Variants in ADGRF1 observed in about 807,000 individuals in gnomAD.
The protein encoded by ADGRF1 is G protein-coupled receptor 110.
Under a neutral mutation model 87.2 loss-of-function variants are expected in ADGRF1, and 85 were observed. The observed-to-expected ratio is 0.97, with a 90% CI of 0.82 to 1.17. The LOEUF is 1.17. Ranked by LOEUF, ADGRF1 falls within the 50% of genes most tolerant of loss-of-function variation. The pLI is 0.00. For missense variants in ADGRF1, 1,169 were observed against 1,077.2 expected (o/e 1.09, Z -1.19); for synonymous variants, 430 against 408.8 (o/e 1.05, Z -0.63).
intron 7 of ADGRF1, chr6:47,020,008 G>A (rs1779995395): frequency 1.3e-5 from 13 of 989,288 alleles, no homozygotes; most frequent in Non-Finnish European, 1.6e-5. Context: ...TCCGAATTAT[G>A]AGGCATCATA....
At chr6:47,003,091 C>T (rs2113874354) in intron 13 of ADGRF1, among the ~76,000 whole-genome samples, 1 of 148,848 alleles carries the variant, frequency 6.7e-6, no homozygotes, top group South Asian at 2.2e-4. Context: ...TGAATGGATC[C>T]CCCCTCTCAG....
Position 47,014,840 on chromosome 6 carries a change from C to G in ADGRF1, c.768G>C (p.Gln256His). Residue 256 changes from glutamine (Q) to histidine (H), a missense_variant, in exon 9 of 15, where the codon CAG (glutamine) becomes CAC (histidine). Coordinates refer to ENST00000371253, the MANE Select transcript of ADGRF1 (RefSeq NM_153840.4). ...DGSFRVFGKA[Q>H]CNDIVFGFGS... The stretch of plus-strand genomic sequence containing the variant: ...CAAATCCAAAGACAATGTCATTACA[C>G]TGGGCTGGAAACAAAAGAAAACAAC... 6.2e-7 allele frequency: 1 copy of G among 1,602,654 alleles called. No homozygotes were observed. Among genetic ancestry groups the G allele is most frequent in the East Asian group, 2.2e-5 (1 of 44,540 alleles).
chr6:47,000,686 C>T (rs1040697521), intron 14 of ADGRF1, among the ~76,000 whole-genome samples: 6 of 152,254 alleles, frequency 3.9e-5, no homozygotes, highest in Admixed American at 6.5e-5. Flanking sequence ...GCAATAACAA[C>T]AGAACCCAAG....
intron 7 of ADGRF1, chr6:47,020,515 A>G: frequency 6.6e-7 from 1 of 1,518,538 alleles, no homozygotes; most frequent in Non-Finnish European, 8.8e-7. Context: ...AAAAAAAAAA[A>G]AATTTAAGGT....
At chr6:47,035,668 G>A (rs1438103628) in intron 1 of ADGRF1, among the ~76,000 whole-genome samples, 1 of 152,156 alleles carries the variant, frequency 6.6e-6, no homozygotes, top group African/African-American at 2.4e-5. Flanking sequence ...CTTAGATCAT[G>A]AGCCGGTTAG....
chr6:47,039,704 G>A (rs1365238537), intron 1 of ADGRF1, among the ~76,000 whole-genome samples: 2 of 152,228 alleles, frequency 1.3e-5, no homozygotes, highest in African/African-American at 4.8e-5. Flanking sequence ...GCTCACGCCT[G>A]TAATCCCAGC....
rs776293427 is a variant in ADGRF1 at position 47,028,980 on chromosome 6, A to G, written c.69+13T>C. On this transcript the variant is annotated intron_variant, in intron 2 of 14. Coordinates refer to ENST00000371253, the MANE Select transcript of ADGRF1 (RefSeq NM_153840.4). ...TTAGTTGAGAAGAGATATGAGACAT[A>G]GCACCAACTCACCCCCAGGAAGCCA... The G allele has an allele frequency of 3.2e-5, 52 of 1,609,740 alleles. No homozygotes were observed. The South Asian group carries it at 4.9e-4, about 15-fold the overall frequency.
chr6:47,008,672 T>C lies in ADGRF1; in HGVS notation c.2490+273A>G, dbSNP rs185057648. Among the ~76,000 whole-genome samples the C allele has an allele frequency of 3.9e-3, 592 of 152,362 alleles. 5 individuals carry two copies. The highest frequency in any genetic ancestry group is 0.013 in the African/African-American group (549 of 41,590). On this transcript the variant is annotated intron_variant, in intron 11 of 14. Transcript: ENST00000371253. ...GAGTTCTGCCTAAGAGAAAGAGAAC[T>C]GAGTCAGCAGCAAGCGAGATTATTT...
Position 47,001,531 on chromosome 6 carries a change from A to G in ADGRF1, c.2629T>C (p.Ser877Pro), listed in dbSNP as rs1165229343. 1 of 1,613,868 alleles carries G rather than the reference A, an allele frequency of 6.2e-7. No individual in the cohort carries two copies. The highest frequency in any genetic ancestry group is 1.1e-5 in the South Asian group (1 of 91,062). ...TTTTGCAGTGGGTTGAAAGGCTTTG[A>G]GAATTTGGGTTTGGCAGATAAATCT... ...SSDLSAKPKF[S>P]KPFNPLQNKG... The change falls in exon 14 of 15, where the codon TCA (serine) becomes CCA (proline). Residue 877 changes from serine to proline, a missense_variant. By Grantham distance (74) the Ser-to-Pro change is moderately conservative (BLOSUM62 -1). Coordinates refer to ENST00000371253, the MANE Select transcript of ADGRF1 (RefSeq NM_153840.4).
At chr6:47,033,432 A>C (rs1232728238) in intron 1 of ADGRF1, among the ~76,000 whole-genome samples, 3 of 152,220 alleles carry the variant, frequency 2.0e-5, no homozygotes, top group Non-Finnish European at 4.4e-5. Flanking sequence ...GCTTAGTTGA[A>C]ACTGCTCACA....
intron 2 of ADGRF1, among the ~76,000 whole-genome samples, chr6:47,028,047 G>T (rs1315147142): frequency 2.0e-5 from 3 of 152,176 alleles, no homozygotes; most frequent in Non-Finnish European, 1.5e-5. Flanking sequence ...GGGGAGGCAG[G>T]TTGTGCAGAC....
chr6:47,001,707 G>A, intron 13 of ADGRF1, 140 bp from the exon 14 acceptor site: 1 of 642,836 alleles, frequency 1.6e-6, no homozygotes, highest in Non-Finnish European at 2.6e-6. Context: ...AATTTAGAAT[G>A]GTTACTTTCT....
chr6:47,011,188 A>G (rs1013348398), intron 10 of ADGRF1, among the ~76,000 whole-genome samples: 2 of 152,192 alleles, frequency 1.3e-5, no homozygotes, highest in African/African-American at 4.8e-5. Flanking sequence ...GGTCTCTTGT[A>G]AACAACATGT....
At chr6:47,019,336 G>A in intron 7 of ADGRF1, 3 of 984,516 alleles carry the variant, frequency 3.0e-6, no homozygotes, top group African/African-American at 1.7e-5. Flanking sequence ...ATTCATGTAT[G>A]ACTTAAAGGA....
chr6:47,038,927 G>A (rs1275522742), intron 1 of ADGRF1, among the ~76,000 whole-genome samples: 1 of 152,158 alleles, frequency 6.6e-6, no homozygotes, highest in Non-Finnish European at 1.5e-5. Flanking sequence ...GTAGAGTCGG[G>A]CTGCATGCAG....
rs1237607494 is a variant in ADGRF1 at position 46,998,702 on chromosome 6, C to A, written c.*1520G>T. On this transcript the variant is annotated 3_prime_UTR_variant, in exon 15 of 15. Coordinates refer to ENST00000371253, the MANE Select transcript of ADGRF1 (RefSeq NM_153840.4). ...AATTTGAGGTCAAGGAGCAGACATT[C>A]CTCCTTCTCTCACTTTTGTGGGTAG... is the stretch of plus-strand genomic sequence containing the variant. The A allele has an allele frequency of 6.6e-6, 1 of 152,240 alleles. No individual in the cohort carries two copies. The highest frequency in any genetic ancestry group is 2.4e-5 in the African/African-American group (1 of 41,464). 9.4% of individuals were successfully genotyped at this position (152,240 alleles called of 1,614,324 possible).
intron 7 of ADGRF1, chr6:47,020,229 C>T (rs1366723440): frequency 2.4e-6 from 3 of 1,268,138 alleles, no homozygotes; most frequent in Admixed American, 3.8e-5. Flanking sequence ...TGTGGTGGCT[C>T]ATGCCTGTAA....
chr6:47,034,243 C>T (rs1016430436), intron 1 of ADGRF1, among the ~76,000 whole-genome samples: 26 of 152,168 alleles, frequency 1.7e-4, no homozygotes, highest in African/African-American at 5.3e-4. Flanking sequence ...GCCCATTCCC[C>T]ACATTCTATT....
rs142444447 is a variant in ADGRF1 at position 47,009,302 on chromosome 6, G to A, written c.2133C>T (p.Leu711=). Residue 711 remains leucine, a synonymous_variant, in exon 11 of 15, where the codon CTC becomes CTT. Coordinates refer to ENST00000371253, the MANE Select transcript of ADGRF1 (RefSeq NM_153840.4). The part of the protein sequence containing the change: ...VGFCLGYGCP[L]IISVITIAVT... ...CAGCAATGGTAATGACAGATATAATGAGAGGGCACCCATAACCCAGGCAAA... is the reference window on the plus strand; with the variant it reads ...CAGCAATGGTAATGACAGATATAATAAGAGGGCACCCATAACCCAGGCAAA... The A allele has an allele frequency of 5.1e-5, 83 of 1,614,008 alleles. No homozygotes were observed. In the African/African-American group the frequency reaches 8.7e-4, roughly 17 times the overall value.
Sources: allele counts gnomAD v4.1 joint callset (sites outside exome capture counted in the v4.1 genomes callset), GRCh38; gene constraint gnomAD v4.1.1; transcripts MANE v1.5; gene names NCBI Gene and HGNC (gene_info 2026-07-23, HGNC 2026-07-21).